GLMN: variants seen among roughly 807,000 people sequenced by gnomAD.
GLMN encodes the protein glomulin.
In GLMN, 75 loss-of-function variants were observed where a neutral mutation model predicts 87.8. The observed-to-expected ratio is 0.85, with a 90% CI of 0.71 to 1.04. GLMN has a LOEUF of 1.04. Ranked by LOEUF, GLMN falls within the 50% of genes least tolerant of loss-of-function variation. GLMN has a pLI of 0.00. For synonymous variants in GLMN, 206 were observed against 221.6 expected (o/e 0.93, Z 0.63); for missense variants, 588 against 658.8 (o/e 0.89, Z 1.18).
At chr1:92,259,715 T>C (rs1354964089) in intron 16 of GLMN, among the ~76,000 whole-genome samples, 4 of 146,304 alleles carry the variant, frequency 2.7e-5, no homozygotes, top group Non-Finnish European at 5.9e-5. Flanking sequence ...TCATTTTGTT[T>C]TTTCTTTTTT....
At chr1:92,312,416 CTCA>C in the GLMN span, among the ~76,000 whole-genome samples, 1 of 55,298 alleles carries the variant, frequency 1.8e-5, no homozygotes, top group African/African-American at 6.3e-5. Flanking sequence ...AAGACCGTGT[CTCA>C]AAAAAAAAAA....
chr1:92,320,271 AT>A, the GLMN span, among the ~76,000 whole-genome samples: 1 of 151,504 alleles, frequency 6.6e-6, no homozygotes, highest in Non-Finnish European at 1.5e-5. Context: ...TTGTCCTTTA[AT>A]TTTTTTCTTT....
chr1:92,295,282 T>C (rs1649906004), intron 3 of GLMN, among the ~76,000 whole-genome samples: 1 of 152,150 alleles, frequency 6.6e-6, no homozygotes, highest in Non-Finnish European at 1.5e-5. Flanking sequence ...GCCTCTTCTC[T>C]TCTGCCCCTT....
At chr1:92,352,058 T>A in the GLMN span, among the ~76,000 whole-genome samples, 3 of 152,216 alleles carry the variant, frequency 2.0e-5, no homozygotes, top group Non-Finnish European at 2.9e-5. Flanking sequence ...TAGTCTAACA[T>A]GGATACATGC....
the GLMN span, chr1:92,304,318 C>A: frequency 6.6e-7 from 1 of 1,518,798 alleles, no homozygotes; most frequent in Non-Finnish European, 9.1e-7. Context: ...TCTACCAAAA[C>A]CAATAAAGTC....
the GLMN span, among the ~76,000 whole-genome samples, chr1:92,330,525 G>A: frequency 7.7e-6 from 1 of 129,114 alleles, no homozygotes; most frequent in African/African-American, 3.0e-5. Flanking sequence ...TTGGCTCACT[G>A]CAAACTCCAC....
chr1:92,334,902 G>A, the GLMN span, among the ~76,000 whole-genome samples: 1 of 152,048 alleles, frequency 6.6e-6, no homozygotes. Context: ...GCAGGAGAAT[G>A]GCCCGAACCC....
At chr1:92,251,889 G>A (rs1329944987) in intron 16 of GLMN, among the ~76,000 whole-genome samples, 1 of 151,652 alleles carries the variant, frequency 6.6e-6, no homozygotes, top group Admixed American at 6.6e-5. Context: ...TCCACCTACT[G>A]GGTTCAAGCA....
At chr1:92,315,820 G>A in the GLMN span, among the ~76,000 whole-genome samples, 1 of 152,158 alleles carries the variant, frequency 6.6e-6, no homozygotes, top group African/African-American at 2.4e-5. Flanking sequence ...ATGTCATGGA[G>A]ACTAACAGTG....
the GLMN span, chr1:92,323,560 G>A: frequency 7.4e-6 from 12 of 1,613,668 alleles, no homozygotes; most frequent in Admixed American, 1.3e-4. Flanking sequence ...CACTCACAGT[G>A]ATAGTAGCAG....
chr1:92,331,365 A>C, the GLMN span, among the ~76,000 whole-genome samples: 2 of 152,170 alleles, frequency 1.3e-5, no homozygotes, highest in African/African-American at 4.8e-5. Context: ...ATTTGGGTTT[A>C]AATCTACCAT....
chr1:92,307,196 C>T, the GLMN span: 1 of 1,609,108 alleles, frequency 6.2e-7, no homozygotes, highest in Admixed American at 1.7e-5. Context: ...AGTCTTTTTG[C>T]AGCAATTTTT....
chr1:92,301,559 A>G, upstream of GLMN: 1 of 1,546,970 alleles, frequency 6.5e-7, no homozygotes, highest in Non-Finnish European at 8.8e-7. Context: ...CTTTTAGAGG[A>G]GAATATTACA....
At chr1:92,305,027 C>G in the GLMN span, among the ~76,000 whole-genome samples, 1 of 151,928 alleles carries the variant, frequency 6.6e-6, no homozygotes, top group African/African-American at 2.4e-5. Flanking sequence ...CCCAGCTACT[C>G]AGAAAGCTGA....
At chr1:92,299,046 G>T, upstream of GLMN, 1 of 1,385,160 alleles carries the variant, frequency 7.2e-7, no homozygotes, top group South Asian at 1.4e-5. Context: ...GCCGGAGCGT[G>T]TCCCCGTCCG....
At position 92,290,220 on chromosome 1, in the gene GLMN, A is replaced by G. The variant is rs1649246154; in HGVS notation, c.372T>C (p.Leu124=). 1 of 1,600,624 alleles carries G rather than the reference A, an allele frequency of 6.2e-7. No homozygotes were observed. The highest frequency in any genetic ancestry group is 1.1e-5 in the South Asian group (1 of 90,850). ...SGKQISQSIL[L]LLQPLQTVIQ... is the part of the protein sequence containing the mutation. The stretch of plus-strand genomic sequence containing the variant: ...TACCTGTTTGTAATGGCTGAAGCAA[A>G]AGAAGAATACTTTGGGATATCTGTT... The change falls in exon 5 of 19, where the codon CTT becomes CTC. Residue 124 remains leucine, a synonymous_variant. Transcript: ENST00000370360.
At chr1:92,323,479 A>G in the GLMN span, 1 of 1,611,622 alleles carries the variant, frequency 6.2e-7, no homozygotes, top group Non-Finnish European at 8.5e-7. Flanking sequence ...GTTATGCAGT[A>G]AAGCCATTAA....
chr1:92,336,835 G>A, the GLMN span, among the ~76,000 whole-genome samples: 1 of 152,178 alleles, frequency 6.6e-6, no homozygotes, highest in South Asian at 2.1e-4. Context: ...GATCATGTGA[G>A]TACAGTAAAC....
intron 7 of GLMN, among the ~76,000 whole-genome samples, chr1:92,272,587 T>C (rs570202889): frequency 1.3e-5 from 2 of 152,206 alleles, no homozygotes; most frequent in African/African-American, 4.8e-5. Flanking sequence ...GTAAAGCAAC[T>C]AAGATGAAGA....
Sources: gnomAD v4.1 joint callset for allele counts (sites outside exome capture counted in the v4.1 genomes callset) on GRCh38, gnomAD v4.1.1 for gene constraint, MANE v1.5 for transcripts, NCBI Gene and HGNC (gene_info 2026-07-23, HGNC 2026-07-21) for gene names.